Variants in SPINT1 observed in about 807,000 individuals in gnomAD.
The protein encoded by SPINT1 is kunitz-type protease inhibitor 1.
SPINT1 carries 38 observed loss-of-function variants against 53.7 expected under a neutral mutation model. The observed-to-expected ratio is 0.71, with a 90% confidence interval of 0.55 to 0.93. SPINT1 has a LOEUF of 0.93. SPINT1 is among the 40% of genes least tolerant of loss of function. The pLI is 0.00. For missense variants in SPINT1, 645 were observed against 692.9 expected (o/e 0.93, Z 0.78); for synonymous variants, 283 against 280.6 (o/e 1.01, Z -0.08).
chr15:40,858,067 T>C lies in SPINT1; in HGVS notation c.*1092T>C, dbSNP rs1277888359. On this transcript the variant is annotated 3_prime_UTR_variant, in exon 11 of 11. Transcript: ENST00000562057. ...CCAACAGAAGCCCTGGCTTCTGCGCTGGAGTGCAGCACCCCCAACCAGGCT... is the reference window on the plus strand; with the variant it reads ...CCAACAGAAGCCCTGGCTTCTGCGCCGGAGTGCAGCACCCCCAACCAGGCT... 6.6e-6 allele frequency: 1 copy of C among 151,802 alleles called. No homozygotes were observed. Among genetic ancestry groups the C allele is most frequent in the Non-Finnish European group, 1.5e-5 (1 of 68,000 alleles). The allele number at this position is 151,802 out of a possible 1,614,324, so 9.4% of individuals were successfully genotyped here.
chr15:40,844,545 G>A lies in SPINT1; in HGVS notation c.-10G>A, dbSNP rs758912610. 4 of 1,610,326 alleles carry A rather than the reference G, an allele frequency of 2.5e-6. No homozygotes were observed. Among genetic ancestry groups the A allele is most frequent in the East Asian group, 4.5e-5 (2 of 44,776 alleles). ...GCGCTCTGAAGGTGACCCCCCTGGG[G>A]AGGAAGGCGATGGCCCCTGCGAGGA... On this transcript the variant is annotated 5_prime_UTR_variant, in exon 2 of 11. Coordinates refer to ENST00000562057, the MANE Select transcript of SPINT1 (RefSeq NM_003710.4). The surrounding 1 kb of genome is among the most constrained non-coding windows in gnomAD (Gnocchi z 5.8).
intron 5 of SPINT1, 48 bp downstream of exon 5, chr15:40,853,929 G>C: frequency 6.2e-7 from 1 of 1,614,048 alleles, no homozygotes; most frequent in South Asian, 1.1e-5. Flanking sequence ...TTTCCCCCAG[G>C]GTGAGTGGTC....
intron 2 of SPINT1, among the ~76,000 whole-genome samples, chr15:40,849,109 G>A (rs537684197): frequency 1.0e-3 from 159 of 151,994 alleles, no homozygotes; most frequent in Non-Finnish European, 1.6e-3. Flanking sequence ...AGCCGGGTGT[G>A]GTGGTGGGCA....
In SPINT1 at chr15:40,844,859, T is replaced by C. The variant is rs746642409; in HGVS notation, c.305T>C (p.Val102Ala). The change falls in exon 2 of 11, where the codon GTG (valine) becomes GCG (alanine). Residue 102 changes from valine to alanine, a missense_variant. Physicochemically the swap from Val to Ala is moderately conservative, Grantham distance 64. Transcript: ENST00000562057. The surrounding 1 kb of genome is among the most constrained non-coding windows in gnomAD (Gnocchi z 5.8). ...ACCCAGAACTGCAACTTGGCGCTAG[T>C]GGAGCTGCAGCCCGACCGCGGGGAG... ...CTTQNCNLAL[V>A]ELQPDRGEDA... is the part of the protein sequence containing the mutation. The C allele has an allele frequency of 1.9e-6, 3 of 1,613,832 alleles. No homozygotes were observed. The highest frequency in any genetic ancestry group is 2.2e-5 in the South Asian group (2 of 91,078).
chr15:40,853,522 C>T lies in SPINT1; in HGVS notation c.637C>T (p.Leu213Phe), dbSNP rs751441702. The change falls in exon 4 of 11, where the codon CTC (leucine) becomes TTC (phenylalanine). Residue 213 changes from leucine (L) to phenylalanine (F), a missense_variant. Coordinates refer to ENST00000562057, the MANE Select transcript of SPINT1 (RefSeq NM_003710.4). ...KDPNQVELWG[L>F]KEGTYLFQLT... ...CCCAAACCAGGTGGAACTGTGGGGA[C>T]TCAAGGAAGGCACCTACCTGTTCCA... 2 of 1,614,134 alleles carry T rather than the reference C, an allele frequency of 1.2e-6. No individual in the cohort carries two copies. Among genetic ancestry groups the T allele is most frequent in the Non-Finnish European group, 1.7e-6 (2 of 1,179,992 alleles).
chr15:40,856,099 G>A, intron 9 of SPINT1, 37 bp downstream of exon 9: 1 of 1,610,998 alleles, frequency 6.2e-7, no homozygotes, highest in Non-Finnish European at 8.5e-7. Flanking sequence ...ATGTATGGGG[G>A]AAGGCTTAGC....
Position 40,844,090 on chromosome 15 carries a change from C to A in SPINT1, c.-162C>A, listed in dbSNP as rs1404810834. ...GGGGGAGAAGGCGGCCGAGCCCCAG[C>A]TCTCCGAGCACCGGGTCGGAAGCCG... On this transcript the variant is annotated 5_prime_UTR_variant, in exon 1 of 11. Coordinates refer to ENST00000562057, the MANE Select transcript of SPINT1 (RefSeq NM_003710.4). This position sits in a 1 kb window ranked among gnomAD's most constrained non-coding sequence, Gnocchi z 5.8. 9.2e-6 allele frequency: 4 copies of A among 433,082 alleles called. No homozygotes were observed. The East Asian group carries it at 3.8e-4, about 41-fold the overall frequency. The allele number at this position is 433,082 out of a possible 1,614,324, so 26.8% of individuals were successfully genotyped here.
Position 40,856,838 on chromosome 15 carries a change from T to C in SPINT1, c.1405T>C (p.Tyr469His), listed in dbSNP as rs764066951. The change falls in exon 11 of 11, where the codon TAC becomes CAC. Residue 469 changes from tyrosine (Y) to histidine (H), a missense_variant. Physicochemically the swap from Tyr to His is moderately conservative, Grantham distance 83. Transcript: ENST00000562057. ...CIVVVVAILG[Y>H]CFFKNQRKDF... is the part of the protein sequence containing the mutation. ...TGTGGTGGTGGTAGCCATCTTGGGTTACTGCTTCTTCAAGAACCAGAGAAA... is the reference window on the plus strand; with the variant it reads ...TGTGGTGGTGGTAGCCATCTTGGGTCACTGCTTCTTCAAGAACCAGAGAAA... 4.0e-5 allele frequency: 64 copies of C among 1,614,012 alleles called. No individual in the cohort carries two copies. Among genetic ancestry groups the C allele is most frequent in the Non-Finnish European group, 5.3e-5 (63 of 1,180,018 alleles).
rs994424523 is a variant in SPINT1 at position 40,855,778 on chromosome 15, C to T, written c.1118-114C>T. The T allele has an allele frequency of 3.3e-6, 4 of 1,201,708 alleles. No individual in the cohort carries two copies. In the African/African-American group the frequency reaches 6.2e-5, roughly 19 times the overall value. 74.4% of individuals were successfully genotyped at this position (1,201,708 alleles called of 1,614,324 possible). ...CCAGGTGTTTTGGGGCCTCTCAGGC[C>T]CTCCCTGAGCCATGGCAGGTGGGGA... On this transcript the variant is annotated intron_variant, in intron 8 of 10. Coordinates refer to ENST00000562057, the MANE Select transcript of SPINT1 (RefSeq NM_003710.4).
intron 2 of SPINT1, among the ~76,000 whole-genome samples, chr15:40,851,173 T>C (rs1397853009): frequency 1.3e-5 from 2 of 151,368 alleles, no homozygotes; most frequent in African/African-American, 4.9e-5. Flanking sequence ...TTTTTTTTTT[T>C]AAACGGAGTC....
chr15:40,851,976 G>A (rs1225338755), intron 2 of SPINT1, among the ~76,000 whole-genome samples: 1 of 152,196 alleles, frequency 6.6e-6, no homozygotes, highest in Non-Finnish European at 1.5e-5. Context: ...AGCCAAAATT[G>A]TGCCACTGCA....
chr15:40,847,591 A>G (rs1181013377), intron 2 of SPINT1, among the ~76,000 whole-genome samples: 1 of 151,978 alleles, frequency 6.6e-6, no homozygotes, highest in East Asian at 1.9e-4. Context: ...TAGGAGGCGG[A>G]GTCTGCACTT....
At chr15:40,851,158 C>CTT (rs1272275153) in intron 2 of SPINT1, among the ~76,000 whole-genome samples, 7 of 144,182 alleles carry the variant, frequency 4.9e-5, no homozygotes, top group African/African-American at 1.0e-4. Flanking sequence ...TTTCTTTTTT[C>CTT]TTTTTTTTTT....
rs3033553 is a variant in SPINT1, at chr15:40,852,627, CTGTGTGTG to C, written c.476-469_476-462del. ...TAAGCCTATCCCCTCAAGTAAGTGTCTGTGTGTGTGTGTGTGTGTGTGTGTGTGTGTGT... is the reference window on the plus strand; with the variant it reads ...TAAGCCTATCCCCTCAAGTAAGTGTCTGTGTGTGTGTGTGTGTGTGTGTGT... On this transcript the variant is annotated intron_variant, in intron 2 of 10. Coordinates refer to ENST00000562057, the MANE Select transcript of SPINT1 (RefSeq NM_003710.4). 8.1e-3 allele frequency among the ~76,000 whole-genome samples: 1,160 copies of C among 143,486 alleles called. 82 individuals carry two copies. In the East Asian group the frequency reaches 0.19, roughly 23 times the overall value. 94.1% of individuals were successfully genotyped at this position (143,486 alleles called of 152,430 possible). A position where few individuals can be genotyped will look rare whatever the true frequency, so the allele number is the denominator to read the frequency against.
rs34480117 is a variant in SPINT1 at position 40,845,318 on chromosome 15, A to ATTTTTT, written c.475+315_475+320dup. Among the ~76,000 whole-genome samples the ATTTTTT allele has an allele frequency of 8.1e-4, 47 of 58,200 alleles. 2 individuals carry two copies. Among genetic ancestry groups the ATTTTTT allele is most frequent in the Non-Finnish European group, 1.1e-3 (37 of 32,728 alleles). The allele number at this position is 58,200 out of a possible 152,430, so 38.2% of individuals were successfully genotyped here. ...AGGCACCCGCTACCAGACCCGGCTA[A>ATTTTTT]TTTTTTTTTTTTTTTTTTTTTTTTT... is the stretch of plus-strand genomic sequence containing the variant. On this transcript the variant is annotated intron_variant, in intron 2 of 10. Coordinates refer to ENST00000562057, the MANE Select transcript of SPINT1 (RefSeq NM_003710.4).
chr15:40,855,681 C>T (rs966654866), intron 8 of SPINT1: 4 of 496,062 alleles, frequency 8.1e-6, no homozygotes, highest in African/African-American at 2.0e-5. Flanking sequence ...TATGAGTCGG[C>T]GTAGTTTACT....
At position 40,844,791 on chromosome 15, in the gene SPINT1, C is replaced by A. The variant is rs1242351360; in HGVS notation, c.237C>A (p.Pro79=). The stretch of plus-strand genomic sequence containing the variant: ...ACGGAGCTACCTTCCTGGAGTCCCC[C>A]ACCGTGCGCCGGGGCTGGGACTGCG... ...VSNGATFLES[P]TVRRGWDCVR... Residue 79 remains proline, a synonymous_variant, in exon 2 of 11, where the codon CCC becomes CCA. Transcript: ENST00000562057. This position sits in a 1 kb window ranked among gnomAD's most constrained non-coding sequence, Gnocchi z 5.8. 1 of 1,613,194 alleles carries A rather than the reference C, an allele frequency of 6.2e-7. No individual in the cohort carries two copies. Among genetic ancestry groups the A allele is most frequent in the South Asian group, 1.1e-5 (1 of 91,006 alleles).
In SPINT1 at chr15:40,853,702, C is replaced by T. The variant is rs1891533814; in HGVS notation, c.743-9C>T. 4 of 1,614,022 alleles carry T rather than the reference C, an allele frequency of 2.5e-6. No individual in the cohort carries two copies. The highest frequency in any genetic ancestry group is 4.5e-5 in the East Asian group (2 of 44,886). On this transcript the variant is annotated splice_polypyrimidine_tract_variant and intron_variant, in intron 4 of 10. Transcript: ENST00000562057. Reference sequence around the variant, plus strand: ...GCCGCACGGTCCCCTCATAAGCTCTCCCCCCTAGACTACTGCCTCGCATCC... The same window carrying T: ...GCCGCACGGTCCCCTCATAAGCTCTTCCCCCTAGACTACTGCCTCGCATCC...
rs995100523 is a variant in SPINT1, at chr15:40,858,133, TC to T, written c.*1160del. The T allele has an allele frequency of 1.4e-5, 2 of 145,944 alleles. No homozygotes were observed. The highest frequency in any genetic ancestry group is 5.2e-5 in the African/African-American group (2 of 38,494). The allele number at this position is 145,944 out of a possible 1,614,324, so 9.0% of individuals were successfully genotyped here. On this transcript the variant is annotated 3_prime_UTR_variant, in exon 11 of 11. Coordinates refer to ENST00000562057, the MANE Select transcript of SPINT1 (RefSeq NM_003710.4). Reference sequence around the variant, plus strand: ...GGAGCCTTTAGTAGAGACACGCCACTCCAACCCACACCCCTGCATTTGTTCA... The same window carrying T: ...GGAGCCTTTAGTAGAGACACGCCACTCAACCCACACCCCTGCATTTGTTCA...
Sources: allele counts gnomAD v4.1 joint callset (sites outside exome capture counted in the v4.1 genomes callset), GRCh38; gene constraint gnomAD v4.1.1; non-coding constraint Gnocchi (gnomAD v3.1); transcripts MANE v1.5; gene names NCBI Gene and HGNC (gene_info 2026-07-23, HGNC 2026-07-21).